The following R3HDM2 variants were observed in gnomAD, a reference collection of about 807,000 sequenced individuals.
R3HDM2 encodes R3H domain-containing protein 2.
A neutral mutation model predicts 124.5 loss-of-function variants in R3HDM2; 38 were observed. That is an observed-to-expected ratio of 0.31 (90% confidence interval 0.24 to 0.40). The LOEUF (loss-of-function observed/expected upper bound fraction) is 0.40, where lower values mean the gene tolerates loss of function less well. Among genes scored for constraint, R3HDM2 ranks in the 10% least tolerant of loss-of-function variants. The pLI, the probability that R3HDM2 is intolerant of heterozygous loss-of-function variation, is 1.00. For synonymous variants in R3HDM2, 391 were observed against 448.0 expected, an observed-to-expected ratio of 0.87 and a Z score of 1.61; for missense variants, 869 against 1,236.9, an observed-to-expected ratio of 0.70 and a Z score of 4.46.
At chr12:57,431,135 C>G (rs985757904), upstream of R3HDM2, 2 of 152,358 alleles carry the variant, frequency 1.3e-5, no homozygotes, top group African/African-American at 4.8e-5. Context: ...GCGGGGCCTA[C>G]CGCCTGCCGC....
intron 22 of R3HDM2, 28 bp downstream of exon 22, chr12:57,256,386 C>T (rs971422277): frequency 8.7e-6 from 13 of 1,496,604 alleles, no homozygotes; most frequent in Admixed American, 8.3e-5. Flanking sequence ...GGTCTGATGG[C>T]CCTACAGTTG....
chr12:57,257,812 G>A (rs1252663986), intron 21 of R3HDM2, among the ~76,000 whole-genome samples, 178 bp downstream of exon 21: 1 of 152,236 alleles, frequency 6.6e-6, no homozygotes, highest in African/African-American at 2.4e-5. Flanking sequence ...AGCATGGACA[G>A]CACTAGAGAG....
chr12:57,254,638 C>T lies in R3HDM2; in HGVS notation c.*135G>A. On this transcript the variant is annotated 3_prime_UTR_variant, in exon 24 of 24. Coordinates refer to ENST00000402412, the MANE Select transcript of R3HDM2 (RefSeq NM_001394031.1). ...CCAGTGTAGGTATCTGTGTTTCCAT[C>T]TTCATCACTGTCTTAGGTTCCAGTT... The T allele has an allele frequency of 1.3e-6, 1 of 764,890 alleles. No individual in the cohort carries two copies. The highest frequency in any genetic ancestry group is 2.0e-6 in the Non-Finnish European group (1 of 497,354). The allele number at this position is 764,890 out of a possible 1,614,324, so 47.4% of individuals were successfully genotyped here. A position where few individuals can be genotyped will look rare whatever the true frequency, so the allele number is the denominator to read the frequency against.
intron 12 of R3HDM2, among the ~76,000 whole-genome samples, chr12:57,288,373 T>C (rs188296759): frequency 1.2e-3 from 184 of 152,028 alleles, no homozygotes; most frequent in Admixed American, 2.1e-3. Context: ...AAGGTGTCCG[T>C]ATATGTCTCT....
intron 2 of R3HDM2, among the ~76,000 whole-genome samples, chr12:57,369,817 T>A (rs1256612285): frequency 6.6e-6 from 1 of 152,028 alleles, no homozygotes; most frequent in African/African-American, 2.4e-5. Context: ...TATATGAAAT[T>A]TAAAAGCAAC....
intron 2 of R3HDM2, among the ~76,000 whole-genome samples, chr12:57,360,949 G>T (rs1379782614): frequency 6.6e-6 from 1 of 151,184 alleles, no homozygotes; most frequent in Admixed American, 6.6e-5. Context: ...CTACTTGGGA[G>T]GCTGAGGCAG....
At chr12:57,361,821 T>G (rs2062000649) in intron 2 of R3HDM2, among the ~76,000 whole-genome samples, 1 of 152,174 alleles carries the variant, frequency 6.6e-6, no homozygotes, top group Non-Finnish European at 1.5e-5. Context: ...AAAAGATGGT[T>G]TCATAATTTT....
chr12:57,321,764 T>C (rs949303217), intron 2 of R3HDM2, among the ~76,000 whole-genome samples: 1 of 152,044 alleles, frequency 6.6e-6, no homozygotes, highest in African/African-American at 2.4e-5. Context: ...CATACTATAA[T>C]AGTCTATTTA....
At chr12:57,417,312 G>A (rs759141983) in intron 1 of R3HDM2, among the ~76,000 whole-genome samples, 16 of 150,028 alleles carry the variant, frequency 1.1e-4, no homozygotes, top group Non-Finnish European at 2.1e-4. Flanking sequence ...TTGAGCCCAG[G>A]AACCGGATGT....
chr12:57,370,083 T>C (rs541088390), intron 2 of R3HDM2, among the ~76,000 whole-genome samples: 16 of 152,330 alleles, frequency 1.1e-4, no homozygotes, highest in African/African-American at 3.8e-4. Flanking sequence ...TTTGGCTCTG[T>C]GTCCCCACCC....
At chr12:57,282,882 G>A (rs189426784) in intron 13 of R3HDM2, among the ~76,000 whole-genome samples, 2 of 152,332 alleles carry the variant, frequency 1.3e-5, no homozygotes, top group Admixed American at 1.3e-4. Context: ...GAACTTCTGG[G>A]ATGAGATTCA....
At chr12:57,426,851 C>A (rs1425979131) in intron 1 of R3HDM2, among the ~76,000 whole-genome samples, 1 of 152,194 alleles carries the variant, frequency 6.6e-6, no homozygotes, top group Non-Finnish European at 1.5e-5. Context: ...ACCCATCCCA[C>A]CCTTCCAAGG....
intron 21 of R3HDM2, among the ~76,000 whole-genome samples, chr12:57,256,822 C>CTCTCT (rs56243039): frequency 2.5e-4 from 36 of 141,184 alleles, no homozygotes; most frequent in Admixed American, 7.1e-4. Context: ...TTTTATCTCT[C>CTCTCT]TTTTTTTTTT....
intron 8 of R3HDM2, 45 bp downstream of exon 8, chr12:57,297,283 T>C: frequency 2.9e-6 from 3 of 1,030,788 alleles, no homozygotes; most frequent in Non-Finnish European, 4.3e-6. Flanking sequence ...TTATTTCCAG[T>C]GCCCCCTCCC....
chr12:57,268,233 A>G (rs143504034), intron 18 of R3HDM2, 70 bp downstream of exon 18: 2 of 1,542,682 alleles, frequency 1.3e-6, no homozygotes, highest in Non-Finnish European at 1.8e-6. Context: ...CAGTGGAAAC[A>G]AAACCATGAT....
chr12:57,331,155 G>C (rs2058136664), intron 2 of R3HDM2, among the ~76,000 whole-genome samples: 1 of 151,886 alleles, frequency 6.6e-6, no homozygotes, highest in South Asian at 2.1e-4. Flanking sequence ...CCTCTAATTG[G>C]TCTCTTTACT....
At chr12:57,412,592 G>A (rs1033725100) in intron 1 of R3HDM2, among the ~76,000 whole-genome samples, 4 of 152,048 alleles carry the variant, frequency 2.6e-5, no homozygotes, top group African/African-American at 9.7e-5. Flanking sequence ...AGTATTAAAG[G>A]TCTGGGTTGA....
At chr12:57,259,573 G>A (rs960212501) in intron 19 of R3HDM2, among the ~76,000 whole-genome samples, 2 of 152,194 alleles carry the variant, frequency 1.3e-5, no homozygotes, top group Non-Finnish European at 2.9e-5. Context: ...GGTAAGCTGG[G>A]AAGCATTTTA....
chr12:57,354,909 C>T (rs1019891060), intron 2 of R3HDM2, among the ~76,000 whole-genome samples: 1 of 151,910 alleles, frequency 6.6e-6, no homozygotes, highest in African/African-American at 2.4e-5. Flanking sequence ...ACTGCAGCCT[C>T]GACCTCTCAG....
Sources: allele counts gnomAD v4.1 joint callset (sites outside exome capture counted in the v4.1 genomes callset), GRCh38; gene constraint gnomAD v4.1.1; transcripts MANE v1.5; gene names NCBI Gene and HGNC (gene_info 2026-07-23, HGNC 2026-07-21).